SDCBP2: variants seen among roughly 807,000 people sequenced by gnomAD.
The protein encoded by SDCBP2 is syntenin-2.
SDCBP2 carries 28 observed loss-of-function variants against 30.7 expected under a neutral mutation model. The ratio of observed to expected loss-of-function variants is 0.91; its 90% CI spans 0.68 to 1.25. The LOEUF is 1.25. Ranked by LOEUF, SDCBP2 falls within the 50% of genes most tolerant of loss-of-function variation. The pLI, the probability that SDCBP2 is intolerant of heterozygous loss-of-function variation, is 0.00. For missense variants in SDCBP2, 399 were observed against 379.0 expected, an observed-to-expected ratio of 1.05 and a Z score of -0.44; for synonymous variants, 166 against 157.3, an observed-to-expected ratio of 1.06 and a Z score of -0.41.
chr20:1,311,312 C>T (rs545896146), intron 7 of SDCBP2, among the ~76,000 whole-genome samples: 103 of 152,294 alleles, frequency 6.8e-4, no homozygotes, highest in African/African-American at 2.4e-3. Context: ...AGGTACTAGG[C>T]GTACCCATCC....
intron 1 of SDCBP2, among the ~76,000 whole-genome samples, chr20:1,325,194 A>G (rs2088902060): frequency 6.6e-6 from 1 of 152,142 alleles, no homozygotes; most frequent in African/African-American, 2.4e-5. Flanking sequence ...TCAGTTTCCT[A>G]TCTGTCACAT....
chr20:1,312,973 C>G (rs918319323), intron 5 of SDCBP2: 1 of 614,414 alleles, frequency 1.6e-6, no homozygotes, highest in African/African-American at 1.8e-5. Flanking sequence ...GGATTTCAAC[C>G]CTGGCCTGGG....
intron 7 of SDCBP2, among the ~76,000 whole-genome samples, chr20:1,311,373 C>T (rs1375567033): frequency 6.6e-6 from 1 of 150,764 alleles, no homozygotes; most frequent in Non-Finnish European, 1.5e-5. Flanking sequence ...CCTCCTCTTA[C>T]ATCCTCTTAC....
At chr20:1,314,270 C>A (rs139708841) in intron 4 of SDCBP2, among the ~76,000 whole-genome samples, 2,254 of 152,134 alleles carry the variant, frequency 0.015, 39 homozygotes, top group Middle Eastern at 0.041. Context: ...AGATGGATCA[C>A]TTGAGCCCAG....
rs75692262 is a variant in SDCBP2 at position 1,320,195 on chromosome 20, T to C, written c.54+168A>G. 8.3e-3 allele frequency among the ~76,000 whole-genome samples: 1,259 copies of C among 152,330 alleles called. 13 individuals are homozygous for C. The highest frequency in any genetic ancestry group is 0.017 in the Admixed American group (258 of 15,304). ...CTTTTCTATTCTTGCTGTAACGCCA[T>C]TGGCATTGCCCCCTGGATGTCTTCT... is the stretch of plus-strand genomic sequence containing the variant. On this transcript the variant is annotated intron_variant, in intron 2 of 8. Coordinates refer to ENST00000360779, the MANE Select transcript of SDCBP2 (RefSeq NM_080489.5). This position sits in a 1 kb window ranked among gnomAD's most constrained non-coding sequence, Gnocchi z 4.7.
rs778767313 is a variant in SDCBP2 at position 1,313,517 on chromosome 20, A to G, written c.226-19T>C. On this transcript the variant is annotated intron_variant, in intron 4 of 8. Transcript: ENST00000360779. This position sits in a 1 kb window ranked among gnomAD's most constrained non-coding sequence, Gnocchi z 5.2. ...CCGCTGTCTGCAGACACCAGGGGGC[A>G]GGGGGTCAGCCCGGCCCGTGGGGAC... The G allele has an allele frequency of 2.6e-6, 4 of 1,565,888 alleles. No homozygotes were observed. Among genetic ancestry groups the G allele is most frequent in the Admixed American group, 1.8e-5 (1 of 55,962 alleles).
chr20:1,319,492 C>T, intron 3 of SDCBP2, 98 bp downstream of exon 3: 1 of 1,292,156 alleles, frequency 7.7e-7, no homozygotes, highest in Admixed American at 2.0e-5. Context: ...GTCCTTAACC[C>T]TGGAGCCTCC....
rs1326069901 is a variant in SDCBP2, at chr20:1,313,538, G to A, written c.226-40C>T. 1.3e-6 allele frequency: 2 copies of A among 1,534,040 alleles called. No individual in the cohort carries two copies. The highest frequency in any genetic ancestry group is 1.7e-6 in the Non-Finnish European group (2 of 1,144,618). On this transcript the variant is annotated intron_variant, in intron 4 of 8. Transcript: ENST00000360779. This position sits in a 1 kb window ranked among gnomAD's most constrained non-coding sequence, Gnocchi z 5.2. ...GGGCAGGGGGTCAGCCCGGCCCGTG[G>A]GGACCCTGTGCCTCAGGAGACACTG...
intron 1 of SDCBP2, among the ~76,000 whole-genome samples, chr20:1,326,563 T>C (rs1018119425): frequency 1.3e-5 from 2 of 152,232 alleles, no homozygotes; most frequent in African/African-American, 2.4e-5. Context: ...CTTTTCCTTG[T>C]TGTGAACTCT....
At chr20:1,327,551 C>A (rs181550395) in intron 1 of SDCBP2, among the ~76,000 whole-genome samples, 1 of 152,350 alleles carries the variant, frequency 6.6e-6, no homozygotes, top group East Asian at 1.9e-4. Context: ...GCACTGCCTG[C>A]TGGGGAAAAG....
chr20:1,322,525 T>G (rs545801728), intron 1 of SDCBP2: 9 of 152,348 alleles, frequency 5.9e-5, no homozygotes, highest in Non-Finnish European at 1.3e-4. Flanking sequence ...CCTTCCTGGA[T>G]GAAACAAGGA....
intron 1 of SDCBP2, among the ~76,000 whole-genome samples, chr20:1,327,896 G>T (rs2088952574): frequency 6.6e-6 from 1 of 152,264 alleles, no homozygotes; most frequent in Non-Finnish European, 1.5e-5. Context: ...GTGAAGGAAA[G>T]AAGACTTGGT....
intron 4 of SDCBP2, among the ~76,000 whole-genome samples, chr20:1,317,328 C>T (rs2088792371): frequency 6.6e-6 from 1 of 152,156 alleles, no homozygotes; most frequent in Admixed American, 6.5e-5. Context: ...TCTCTGTACT[C>T]ACTTTGCATC....
chr20:1,312,605 A>G lies in SDCBP2; in HGVS notation c.542T>C (p.Val181Ala). Residue 181 changes from valine to alanine, a missense_variant, in exon 6 of 9, where the codon GTC (valine) becomes GCC (alanine). Coordinates refer to ENST00000360779, the MANE Select transcript of SDCBP2 (RefSeq NM_080489.5). ...VVKKASGDKI[V>A]VVVRDRPFQR... is the part of the protein sequence containing the mutation. ...TACTCACCTGTCCCGAACCACCACG[A>G]CAATCTTATCGCCTGATGCCTTCTT... is the stretch of plus-strand genomic sequence containing the variant. The G allele has an allele frequency of 6.2e-7, 1 of 1,613,932 alleles. No individual in the cohort carries two copies. The highest frequency in any genetic ancestry group is 8.5e-7 in the Non-Finnish European group (1 of 1,179,856).
intron 1 of SDCBP2, among the ~76,000 whole-genome samples, chr20:1,326,502 G>A (rs1407896692): frequency 6.6e-6 from 1 of 152,202 alleles, no homozygotes; most frequent in Non-Finnish European, 1.5e-5. Context: ...ATGCCTCCAT[G>A]CTTTTGCAGG....
chr20:1,313,280 G>GC lies in SDCBP2; in HGVS notation c.384+59dup, dbSNP rs1568559305. 1.9e-6 allele frequency: 3 copies of GC among 1,544,290 alleles called. No homozygotes were observed. Among genetic ancestry groups the GC allele is most frequent in the South Asian group, 2.3e-5 (2 of 85,872 alleles). On this transcript the variant is annotated intron_variant, in intron 5 of 8. Transcript: ENST00000360779. This position sits in a 1 kb window ranked among gnomAD's most constrained non-coding sequence, Gnocchi z 5.2. ...GTGGACGGGCCCTCTGAGCTCTGAG[G>GC]CCTGGCGGGAGAGCGCGTGCAGCTC...
Position 1,313,441 on chromosome 20 carries a change from G to C in SDCBP2, c.283C>G (p.Leu95Val), listed in dbSNP as rs2088716345. Residue 95 changes from leucine to valine, a missense_variant, in exon 5 of 9, where the codon CTG (leucine) becomes GTG (valine). By Grantham distance (32) the Leu-to-Val change is conservative (BLOSUM62 1). Coordinates refer to ENST00000360779, the MANE Select transcript of SDCBP2 (RefSeq NM_080489.5). This position sits in a 1 kb window ranked among gnomAD's most constrained non-coding sequence, Gnocchi z 5.2. ...QMVAPVTGYS[L>V]GVRRAEIKPG... is the part of the protein sequence containing the mutation. Reference sequence around the variant, plus strand: ...TTGATCTCAGCTCGCCGCACGCCCAGGCTGTACCCGGTTACCGGTGCCACC... The same window carrying C: ...TTGATCTCAGCTCGCCGCACGCCCACGCTGTACCCGGTTACCGGTGCCACC... The C allele has an allele frequency of 6.2e-7, 1 of 1,602,164 alleles. No homozygotes were observed. Among genetic ancestry groups the C allele is most frequent in the East Asian group, 2.2e-5 (1 of 44,456 alleles).
At chr20:1,326,408 A>G (rs1043312913) in intron 1 of SDCBP2, among the ~76,000 whole-genome samples, 1 of 152,186 alleles carries the variant, frequency 6.6e-6, no homozygotes, top group Non-Finnish European at 1.5e-5. Context: ...CATTCTCACC[A>G]TCTCATTCTT....
intron 5 of SDCBP2, 102 bp from the exon 6 acceptor site, chr20:1,312,864 G>A: frequency 3.1e-6 from 4 of 1,295,946 alleles, no homozygotes; most frequent in Non-Finnish European, 4.2e-6. Flanking sequence ...GGAACCTACA[G>A]GGTGCCAGGG....
Sources: gnomAD v4.1 joint callset for allele counts (sites outside exome capture counted in the v4.1 genomes callset) on GRCh38, gnomAD v4.1.1 for gene constraint, Gnocchi (gnomAD v3.1) non-coding constraint, MANE v1.5 for transcripts, NCBI Gene and HGNC (gene_info 2026-07-23, HGNC 2026-07-21) for gene names.